Variants in BMPR1B observed in about 807,000 individuals in gnomAD.
BMPR1B encodes bone morphogenetic protein receptor type-1B.
A neutral mutation model predicts 59.1 loss-of-function variants in BMPR1B; 12 were observed. The observed-to-expected ratio is 0.20, with a 90% confidence interval of 0.13 to 0.33. BMPR1B has a LOEUF of 0.33. Among genes scored for constraint, BMPR1B ranks in the 10% least tolerant of loss-of-function variants. BMPR1B has a pLI of 1.00. For synonymous variants in BMPR1B, 237 were observed against 207.3 expected, an observed-to-expected ratio of 1.14 and a Z score of -1.23; for missense variants, 550 against 610.9, an observed-to-expected ratio of 0.90 and a Z score of 1.05.
At chr4:94,838,047 A>G in intron 1 of BMPR1B, among the ~76,000 whole-genome samples, 1 of 143,296 alleles carries the variant, frequency 7.0e-6, no homozygotes, top group Non-Finnish European at 1.5e-5. Context: ...CTCTGTTTAT[A>G]TGCTGGATTA....
At chr4:95,007,558 A>G (rs938679996) in intron 3 of BMPR1B, among the ~76,000 whole-genome samples, 3 of 152,162 alleles carry the variant, frequency 2.0e-5, no homozygotes, top group Non-Finnish European at 4.4e-5. Flanking sequence ...TAGCCCCATT[A>G]TTTGTAAGAT....
At position 94,914,309 on chromosome 4, in the gene BMPR1B, T is replaced by TA. The variant is rs1728399243; in HGVS notation, c.-113+38410dup. Among the ~76,000 whole-genome samples, 6 of 152,146 alleles carry TA rather than the reference T, an allele frequency of 3.9e-5. No individual in the cohort carries two copies. In the South Asian group the frequency reaches 1.2e-3, roughly 32 times the overall value. ...GAGAACACTGATAAAGGACCAGATT[T>TA]ACGGGTGAAGCAAATGAGTTTGGTT... On this transcript the variant is annotated intron_variant, in intron 2 of 12. Transcript: ENST00000515059.
intron 2 of BMPR1B, among the ~76,000 whole-genome samples, chr4:94,881,773 C>T (rs747568300): frequency 3.9e-5 from 6 of 152,164 alleles, no homozygotes; most frequent in Admixed American, 6.6e-5. Context: ...CCTAATATTT[C>T]GACCTTTCTA....
intron 1 of BMPR1B, among the ~76,000 whole-genome samples, chr4:94,798,228 C>T (rs1723268740): frequency 6.6e-6 from 1 of 152,174 alleles, no homozygotes; most frequent in Non-Finnish European, 1.5e-5. Flanking sequence ...TGCTTGGATT[C>T]TCACTTCCTT....
chr4:94,837,917 T>G (rs1724888808), intron 1 of BMPR1B, among the ~76,000 whole-genome samples: 1 of 134,634 alleles, frequency 7.4e-6, no homozygotes, highest in Admixed American at 7.2e-5. Context: ...GCTCTTATTA[T>G]TTTGAAATAT....
chr4:94,922,606 G>T (rs988439426), intron 2 of BMPR1B, among the ~76,000 whole-genome samples: 2 of 152,172 alleles, frequency 1.3e-5, no homozygotes, highest in African/African-American at 2.4e-5. Flanking sequence ...TTCTTCATCA[G>T]TGTGACTTCT....
chr4:95,129,490 A>T (rs970057773), intron 8 of BMPR1B, among the ~76,000 whole-genome samples: 1 of 151,874 alleles, frequency 6.6e-6, no homozygotes, highest in Non-Finnish European at 1.5e-5. Context: ...TTTATACATG[A>T]TTAGGTGTAT....
intron 2 of BMPR1B, among the ~76,000 whole-genome samples, chr4:94,954,301 T>G (rs1467966761): frequency 6.6e-6 from 1 of 152,194 alleles, no homozygotes; most frequent in Non-Finnish European, 1.5e-5. Flanking sequence ...TAACATGTTC[T>G]CAACATTTAT....
In BMPR1B at chr4:94,949,490, G is replaced by A. The variant is rs184690544; in HGVS notation, c.-112-46550G>A. ...TGCCACCGCGCCCGGCTGATTTTTT[G>A]TATTTTTAGTAGAGACGGGGTTTCA... is the stretch of plus-strand genomic sequence containing the variant. On this transcript the variant is annotated intron_variant, in intron 2 of 12. Coordinates refer to ENST00000515059, the MANE Select transcript of BMPR1B (RefSeq NM_001203.3). Among the ~76,000 whole-genome samples the A allele has an allele frequency of 5.0e-3, 521 of 104,700 alleles. 84 individuals are homozygous for A. The highest frequency in any genetic ancestry group is 0.041 in the Admixed American group (461 of 11,288). 68.7% of individuals were successfully genotyped at this position (104,700 alleles called of 152,430 possible).
intron 2 of BMPR1B, among the ~76,000 whole-genome samples, chr4:94,876,373 G>A (rs946295792): frequency 2.0e-5 from 3 of 152,168 alleles, no homozygotes; most frequent in Non-Finnish European, 2.9e-5. Context: ...AACAGGTGGC[G>A]TGGACTTCAG....
chr4:94,764,091 G>T (rs1721875960), intron 1 of BMPR1B, among the ~76,000 whole-genome samples: 1 of 152,000 alleles, frequency 6.6e-6, no homozygotes, highest in South Asian at 2.1e-4. Flanking sequence ...TGAATATTCT[G>T]TTTTGCCCCA....
chr4:95,153,929 G>A (rs1275806372), intron 12 of BMPR1B, among the ~76,000 whole-genome samples: 1 of 152,166 alleles, frequency 6.6e-6, no homozygotes. Context: ...TAATATATAC[G>A]TTTTCCAGCA....
chr4:94,979,725 A>G (rs2149086029), intron 2 of BMPR1B, among the ~76,000 whole-genome samples: 1 of 152,352 alleles, frequency 6.6e-6, no homozygotes, highest in Admixed American at 6.5e-5. Context: ...ATAAAAATGA[A>G]TAGTGAAAAC....
intron 8 of BMPR1B, among the ~76,000 whole-genome samples, chr4:95,129,147 T>C (rs995130061): frequency 5.3e-5 from 8 of 152,180 alleles, no homozygotes; most frequent in Admixed American, 5.2e-4. Flanking sequence ...ATTCTGCAAA[T>C]GGTTTCCTCA....
chr4:94,796,662 G>T (rs752938752), intron 1 of BMPR1B, among the ~76,000 whole-genome samples: 2 of 152,156 alleles, frequency 1.3e-5, no homozygotes, highest in Non-Finnish European at 2.9e-5. Flanking sequence ...CCCATGAGGT[G>T]TTTTGTGTGT....
chr4:95,060,636 C>T (rs1402126838), intron 3 of BMPR1B, among the ~76,000 whole-genome samples: 1 of 152,116 alleles, frequency 6.6e-6, no homozygotes. Context: ...CATGAGATAC[C>T]TATGAAGCGC....
At position 95,154,727 on chromosome 4, in the gene BMPR1B, T is replaced by G; in HGVS notation, c.*54T>G. On this transcript the variant is annotated 3_prime_UTR_variant, in exon 13 of 13. Coordinates refer to ENST00000515059, the MANE Select transcript of BMPR1B (RefSeq NM_001203.3). ...GAAAGCCAACAGGTACTCTTCTGTT[T>G]GTGGGCAGAGCAAAAGACATCAAAT... The G allele has an allele frequency of 6.2e-7, 1 of 1,606,712 alleles. No individual in the cohort carries two copies. Among genetic ancestry groups the G allele is most frequent in the Non-Finnish European group, 8.5e-7 (1 of 1,173,888 alleles).
intron 1 of BMPR1B, among the ~76,000 whole-genome samples, chr4:94,759,438 A>C (rs1324967012): frequency 6.6e-6 from 1 of 152,186 alleles, no homozygotes; most frequent in Non-Finnish European, 1.5e-5. Context: ...AAATAATTTG[A>C]AAAAGCACTT....
intron 2 of BMPR1B, among the ~76,000 whole-genome samples, chr4:94,902,088 G>GTGTGTGTGTGTGTGTGTGT (rs201783533): frequency 1.8e-4 from 22 of 119,874 alleles, no homozygotes; most frequent in African/African-American, 7.2e-4. Flanking sequence ...TGTGTGTGTG[G>GTGTGTGTGTGTGTGTGTGT]GGTGTATTTA....
Sources: allele counts gnomAD v4.1 joint callset (sites outside exome capture counted in the v4.1 genomes callset), GRCh38; gene constraint gnomAD v4.1.1; transcripts MANE v1.5; gene names NCBI Gene and HGNC (gene_info 2026-07-23, HGNC 2026-07-21).